MARCHF1: variants seen among roughly 807,000 people sequenced by gnomAD.
MARCHF1 encodes E3 ubiquitin-protein ligase MARCHF1.
Under a neutral mutation model 54.2 loss-of-function variants are expected in MARCHF1, and 40 were observed. That is an observed-to-expected ratio of 0.74 (90% CI 0.57 to 0.96). MARCHF1 has a LOEUF of 0.96. Ranked by LOEUF, MARCHF1 falls within the 40% of genes least tolerant of loss-of-function variation. The probability of loss-of-function intolerance (pLI) is 0.00; values close to 1 mark genes in which losing one functional copy is unlikely to be tolerated. For synonymous variants in MARCHF1, 236 were observed against 236.3 expected (o/e 1.00, Z 0.01); for missense variants, 586 against 656.5 (o/e 0.89, Z 1.17).
intron 4 of MARCHF1, among the ~76,000 whole-genome samples, chr4:163,719,689 C>T (rs1745381696): frequency 6.6e-6 from 1 of 151,550 alleles, no homozygotes; most frequent in Non-Finnish European, 1.5e-5. Context: ...CTCTCCAGCA[C>T]CTGTTGTTTC....
chr4:163,652,122 A>G (rs974788452), intron 5 of MARCHF1, among the ~76,000 whole-genome samples: 2 of 151,766 alleles, frequency 1.3e-5, no homozygotes, highest in Non-Finnish European at 2.9e-5. Flanking sequence ...TTCAGACACT[A>G]TCTCATCTAG....
chr4:163,944,836 T>G (rs561937316), intron 3 of MARCHF1, among the ~76,000 whole-genome samples: 2 of 152,322 alleles, frequency 1.3e-5, no homozygotes, highest in Admixed American at 1.3e-4. Context: ...CATGACAATT[T>G]GGTTAATGTG....
At chr4:163,883,892 AC>A (rs1478897277) in intron 3 of MARCHF1, among the ~76,000 whole-genome samples, 1 of 152,170 alleles carries the variant, frequency 6.6e-6, no homozygotes, top group Non-Finnish European at 1.5e-5. Flanking sequence ...TAAGTCTATC[AC>A]AAAATAGCAA....
intron 2 of MARCHF1, among the ~76,000 whole-genome samples, chr4:164,049,914 T>G (rs542100093): frequency 2.6e-5 from 4 of 152,194 alleles, no homozygotes; most frequent in Non-Finnish European, 5.9e-5. Context: ...TGGATTTACA[T>G]TGTCAAATGT....
chr4:164,225,164 C>A (rs1252658752), intron 1 of MARCHF1, among the ~76,000 whole-genome samples: 1 of 151,994 alleles, frequency 6.6e-6, no homozygotes, highest in Admixed American at 6.6e-5. Flanking sequence ...CTGCACATAC[C>A]AAATTACATT....
At chr4:163,600,611 C>CT (rs906777876) in intron 7 of MARCHF1, among the ~76,000 whole-genome samples, 3 of 152,008 alleles carry the variant, frequency 2.0e-5, no homozygotes, top group African/African-American at 7.2e-5. Context: ...TTCCTTATTC[C>CT]TTTTTTTCCT....
intron 1 of MARCHF1, among the ~76,000 whole-genome samples, chr4:164,228,759 G>C (rs1223484864): frequency 6.6e-6 from 1 of 152,128 alleles, no homozygotes; most frequent in Admixed American, 6.6e-5. Flanking sequence ...GTGAACAAAT[G>C]GGTGAAAATC....
intron 3 of MARCHF1, among the ~76,000 whole-genome samples, chr4:163,857,015 AAAATAAATAAAT>A (rs34410156): frequency 2.3e-3 from 301 of 131,526 alleles, no homozygotes; most frequent in East Asian, 6.2e-3. Flanking sequence ...TTTGTCTCGA[AAAATAAATAAAT>A]AAATAAATAA....
chr4:164,382,958 C>G lies in MARCHF1; in HGVS notation c.-323+912G>C, dbSNP rs35210929. ...TAAGAATTGCCAGGAAAACGTGAGG[C>G]TCTCTAACTACATATTGGCCATGCC... On this transcript the variant is annotated intron_variant, in intron 1 of 9. Coordinates refer to ENST00000514618, the MANE Select transcript of MARCHF1 (RefSeq NM_001394959.1). 5.4e-3 allele frequency among the ~76,000 whole-genome samples: 828 copies of G among 152,320 alleles called. 7 individuals are homozygous for G. The highest frequency in any genetic ancestry group is 0.031 in the Middle Eastern group (9 of 294).
chr4:164,296,786 G>T (rs994733716), intron 1 of MARCHF1, among the ~76,000 whole-genome samples: 3 of 152,148 alleles, frequency 2.0e-5, no homozygotes, highest in African/African-American at 4.8e-5. Context: ...TAGAAAAGGT[G>T]AATTTTCAGG....
chr4:164,211,376 T>C (rs1332115831), intron 1 of MARCHF1, among the ~76,000 whole-genome samples: 1 of 148,452 alleles, frequency 6.7e-6, no homozygotes, highest in Non-Finnish European at 1.5e-5. Context: ...ACCTGCATAT[T>C]TGTATATATA....
At chr4:163,702,139 C>T (rs1484226242) in intron 4 of MARCHF1, among the ~76,000 whole-genome samples, 1 of 152,224 alleles carries the variant, frequency 6.6e-6, no homozygotes, top group Non-Finnish European at 1.5e-5. Context: ...TCTCATACAA[C>T]CACTGATGTC....
At chr4:163,621,267 A>G (rs1206083375) in intron 5 of MARCHF1, among the ~76,000 whole-genome samples, 1 of 152,218 alleles carries the variant, frequency 6.6e-6, no homozygotes, top group Non-Finnish European at 1.5e-5. Context: ...TAACAGTCTT[A>G]GACCAGTAAC....
At chr4:164,243,371 C>A (rs1449989719) in intron 1 of MARCHF1, among the ~76,000 whole-genome samples, 1 of 148,660 alleles carries the variant, frequency 6.7e-6, no homozygotes, top group Admixed American at 6.7e-5. Flanking sequence ...TCATATCCAG[C>A]CAAACTAAGC....
chr4:163,643,851 C>G (rs966019506), intron 5 of MARCHF1, among the ~76,000 whole-genome samples: 1 of 151,118 alleles, frequency 6.6e-6, no homozygotes, highest in East Asian at 1.9e-4. Context: ...AAGAAAATCA[C>G]CAAAGAAAAT....
At chr4:164,289,021 G>C (rs1216328694) in intron 1 of MARCHF1, among the ~76,000 whole-genome samples, 1 of 151,938 alleles carries the variant, frequency 6.6e-6, no homozygotes, top group Non-Finnish European at 1.5e-5. Context: ...CCTGAGCTTT[G>C]GAACGTTTCA....
chr4:164,244,012 A>C (rs1234319607), intron 1 of MARCHF1, among the ~76,000 whole-genome samples: 1 of 152,148 alleles, frequency 6.6e-6, no homozygotes, highest in Non-Finnish European at 1.5e-5. Flanking sequence ...ATAATGGGAG[A>C]CTTTAACACC....
At chr4:164,174,637 A>T (rs1434026720) in intron 1 of MARCHF1, among the ~76,000 whole-genome samples, 1 of 152,162 alleles carries the variant, frequency 6.6e-6, no homozygotes, top group Non-Finnish European at 1.5e-5. Context: ...CAGTGTTTTG[A>T]TTAAGCTTAT....
rs1260008066 is a variant in MARCHF1 at position 164,103,216 on chromosome 4, A to G, written c.-248+8372T>C. Among the ~76,000 whole-genome samples the G allele has an allele frequency of 4.1e-5, 3 of 72,308 alleles. 1 individual carries two copies. Among genetic ancestry groups the G allele is most frequent in the Non-Finnish European group, 1.0e-4 (3 of 30,086 alleles). The allele number at this position is 72,308 out of a possible 152,430, so 47.4% of individuals were successfully genotyped here. A position where few individuals can be genotyped will look rare whatever the true frequency, so the allele number is the denominator to read the frequency against. ...CATTAGACAGATCAACGAGACAGAA[A>G]GTCAACAAGGATACCCAGGAATTGA... On this transcript the variant is annotated intron_variant, in intron 2 of 9. Coordinates refer to ENST00000514618, the MANE Select transcript of MARCHF1 (RefSeq NM_001394959.1).
Sources: allele counts gnomAD v4.1 joint callset (sites outside exome capture counted in the v4.1 genomes callset), GRCh38; gene constraint gnomAD v4.1.1; transcripts MANE v1.5; gene names NCBI Gene and HGNC (gene_info 2026-07-23, HGNC 2026-07-21).